The following DNAH11 variants were observed in gnomAD, a reference collection of about 807,000 sequenced individuals.
DNAH11 encodes the protein dynein axonemal heavy chain 11, also known as axonemal beta dynein heavy chain 11.
Under a neutral mutation model 526.0 loss-of-function variants are expected in DNAH11, and 442 were observed. The ratio of observed to expected loss-of-function variants is 0.84; its 90% confidence interval spans 0.78 to 0.91. The LOEUF (loss-of-function observed/expected upper bound fraction) is 0.91, where lower values mean the gene tolerates loss of function less well. DNAH11 is among the 40% of genes least tolerant of loss of function. DNAH11 has a pLI of 0.00. For missense variants in DNAH11, 6,989 were observed against 5,448.7 expected, an observed-to-expected ratio of 1.28 and a Z score of -8.90; for synonymous variants, 2,461 against 1,935.9, an observed-to-expected ratio of 1.27 and a Z score of -7.12.
intron 73 of DNAH11, among the ~76,000 whole-genome samples, chr7:21,870,531 A>G (rs1783458060): frequency 1.3e-5 from 2 of 152,316 alleles, no homozygotes; most frequent in South Asian, 2.1e-4. Context: ...ACAGTTAGGT[A>G]AATTTTAAGG....
rs1469238385 is a variant in DNAH11, at chr7:21,640,987, C to T, written c.4944+1922C>T. 4.6e-5 allele frequency among the ~76,000 whole-genome samples: 7 copies of T among 152,156 alleles called. No individual in the cohort carries two copies. The South Asian group carries it at 6.2e-4, about 14-fold the overall frequency. On this transcript the variant is annotated intron_variant, in intron 28 of 81. Transcript: ENST00000409508. ...CTTCACCCTTAACAGCAAGGATCCA[C>T]GTGCTGGATTTCTGGTGGAACAAGT...
At chr7:21,779,239 A>T (rs1787829911) in intron 57 of DNAH11, 135 bp downstream of exon 57, 2 of 1,076,856 alleles carry the variant, frequency 1.9e-6, no homozygotes, top group Admixed American at 6.1e-5. Flanking sequence ...CACATGTAAC[A>T]GCATTTCACA....
intron 14 of DNAH11, among the ~76,000 whole-genome samples, chr7:21,599,497 G>C (rs1784990025): frequency 6.6e-6 from 1 of 152,204 alleles, no homozygotes; most frequent in African/African-American, 2.4e-5. Flanking sequence ...AAAATGTCTA[G>C]AATTCACTGG....
chr7:21,750,577 C>T (rs1319390594), intron 54 of DNAH11, among the ~76,000 whole-genome samples: 1 of 152,194 alleles, frequency 6.6e-6, no homozygotes. Flanking sequence ...GTGTGCAGTC[C>T]TCAGCTGAAG....
chr7:21,822,163 A>T (rs528040293), intron 65 of DNAH11, among the ~76,000 whole-genome samples: 15 of 151,910 alleles, frequency 9.9e-5, no homozygotes, highest in Admixed American at 5.2e-4. Flanking sequence ...TTATTTATTT[A>T]TTTTTTTTAA....
intron 42 of DNAH11, 84 bp downstream of exon 42, chr7:21,711,944 C>T: frequency 1.4e-5 from 20 of 1,467,676 alleles, no homozygotes; most frequent in Non-Finnish European, 1.5e-5. Flanking sequence ...TAAGCACATT[C>T]ATGTTGTTGC....
intron 53 of DNAH11, 63 bp downstream of exon 53, chr7:21,749,864 T>C: frequency 1.2e-6 from 2 of 1,603,176 alleles, no homozygotes; most frequent in Non-Finnish European, 1.7e-6. Context: ...GTAGTTTCAG[T>C]GAACTTTAAA....
Position 21,787,399 on chromosome 7 carries a change from A to C in DNAH11, c.9742-2A>C. On this transcript the variant is annotated splice_acceptor_variant, in intron 59 of 81. Transcript: ENST00000409508. LOFTEE classifies it high-confidence loss of function. ...ATTGCAATAAATCTTTTTGCTTTGC[A>C]GGTTGATGATTTTTTGCAAGCATTA... 1 of 1,597,590 alleles carries C rather than the reference A, an allele frequency of 6.3e-7. No individual in the cohort carries two copies. Among genetic ancestry groups the C allele is most frequent in the Non-Finnish European group, 8.5e-7 (1 of 1,172,528 alleles).
At chr7:21,702,974 G>A (rs1029211131) in intron 37 of DNAH11, among the ~76,000 whole-genome samples, 172 bp downstream of exon 37, 3 of 152,176 alleles carry the variant, frequency 2.0e-5, no homozygotes, top group South Asian at 2.1e-4. Context: ...GTCACAAGTG[G>A]TCTTGAGTAC....
chr7:21,816,435 C>T, intron 63 of DNAH11, 32 bp from the exon 64 acceptor site: 1 of 1,530,214 alleles, frequency 6.5e-7, no homozygotes, highest in East Asian at 2.4e-5. Context: ...TGCCACATGA[C>T]CAATTTGTTG....
chr7:21,622,057 T>C (rs1273732825), intron 25 of DNAH11, among the ~76,000 whole-genome samples: 1 of 152,134 alleles, frequency 6.6e-6, no homozygotes, highest in Admixed American at 6.5e-5. Flanking sequence ...CATGATTGTA[T>C]ATCTAGAAAA....
chr7:21,895,809 A>G lies in DNAH11; in HGVS notation c.13049+810A>G, dbSNP rs570878707. 4.2e-4 allele frequency among the ~76,000 whole-genome samples: 64 copies of G among 152,242 alleles called. 1 individual carries two copies. In the South Asian group the frequency reaches 0.013, roughly 31 times the overall value. On this transcript the variant is annotated intron_variant, in intron 79 of 81. Transcript: ENST00000409508. Reference sequence around the variant, plus strand: ...CAGTGGCGCGATCTCGGCTCACTGCAAGCTCTGCCTGCCGGGTTCACGCCA... The same window carrying G: ...CAGTGGCGCGATCTCGGCTCACTGCGAGCTCTGCCTGCCGGGTTCACGCCA...
Position 21,792,466 on chromosome 7 carries a change from A to T in DNAH11, c.10026+3124A>T, listed in dbSNP as rs539941135. Among the ~76,000 whole-genome samples, 14 of 152,312 alleles carry T rather than the reference A, an allele frequency of 9.2e-5. No homozygotes were observed. The South Asian group carries it at 2.5e-3, about 27-fold the overall frequency. ...CTCTTCAATTTTTTGAAAAAGTTTG[A>T]GTAGAATTGGTATTATTCAACTGTT... On this transcript the variant is annotated intron_variant, in intron 61 of 81. Transcript: ENST00000409508.
rs1781993614 is a variant in DNAH11, at chr7:21,655,861, C to T, written c.4974C>T (p.Asp1658=). The T allele has an allele frequency of 3.1e-6, 5 of 1,613,246 alleles. No individual in the cohort carries two copies. In the East Asian group the frequency reaches 8.9e-5, roughly 29 times the overall value. The change falls in exon 29 of 82, where the codon GAC becomes GAT. Residue 1658 remains aspartate, a synonymous_variant. Coordinates refer to ENST00000409508, the MANE Select transcript of DNAH11 (RefSeq NM_001277115.2). ...CATGTCACCTTGCCAAACTTTTCGA[C>T]AGCATTGCAGATCTGCAGTTTGAAG... ...QVTCHLAKLF[D]SIADLQFEDN...
intron 30 of DNAH11, among the ~76,000 whole-genome samples, chr7:21,675,002 C>T (rs1422736352): frequency 6.6e-6 from 1 of 152,220 alleles, no homozygotes; most frequent in East Asian, 1.9e-4. Flanking sequence ...TCTCCAACTG[C>T]TTTGATAATG....
At chr7:21,800,001 A>G (rs1788897458) in intron 61 of DNAH11, among the ~76,000 whole-genome samples, 1 of 152,194 alleles carries the variant, frequency 6.6e-6, no homozygotes, top group Admixed American at 6.5e-5. Context: ...TTTTGTCTAT[A>G]AGTTATATGA....
chr7:21,896,705 C>G (rs182154259), intron 79 of DNAH11, among the ~76,000 whole-genome samples: 1 of 152,114 alleles, frequency 6.6e-6, no homozygotes. Flanking sequence ...TACTTGTAGA[C>G]TTCATCAGTT....
At chr7:21,621,605 A>G (rs1330270821) in intron 25 of DNAH11, among the ~76,000 whole-genome samples, 2 of 152,124 alleles carry the variant, frequency 1.3e-5, no homozygotes, top group African/African-American at 2.4e-5. Flanking sequence ...CCAGCAGCAC[A>G]TCAAAAAGCT....
chr7:21,755,471 C>G (rs890138438), intron 54 of DNAH11, among the ~76,000 whole-genome samples: 3 of 151,970 alleles, frequency 2.0e-5, no homozygotes, highest in African/African-American at 7.2e-5. Context: ...GATTCCATCC[C>G]AAGATTTTAG....
Sources: allele counts gnomAD v4.1 joint callset (sites outside exome capture counted in the v4.1 genomes callset), GRCh38; gene constraint gnomAD v4.1.1; transcripts MANE v1.5; gene names NCBI Gene and HGNC (gene_info 2026-07-23, HGNC 2026-07-21).